MYO1E: variants seen among roughly 807,000 people sequenced by gnomAD.
The protein encoded by MYO1E is unconventional myosin-Ie.
A neutral mutation model predicts 151.1 loss-of-function variants in MYO1E; 68 were observed. That is an observed-to-expected ratio of 0.45 (90% confidence interval 0.37 to 0.55). MYO1E has a LOEUF of 0.55. Among genes scored for constraint, MYO1E ranks in the 20% least tolerant of loss-of-function variants. The probability of loss-of-function intolerance (pLI) is 0.00; values close to 1 mark genes in which losing one functional copy is unlikely to be tolerated. For synonymous variants in MYO1E, 601 were observed against 501.7 expected (o/e 1.20, Z -2.64); for missense variants, 1,363 against 1,389.3 (o/e 0.98, Z 0.30).
rs576436904 is a variant in MYO1E at position 59,323,035 on chromosome 15, G to C, written c.3+49463C>G. On this transcript the variant is annotated intron_variant, in intron 1 of 27. Transcript: ENST00000288235. Reference sequence around the variant, plus strand: ...AAAAAAAAAAATAGCCTGGTATGGTGGTGGGCACCTGTAGTCCCAGCTACT... The same window carrying C: ...AAAAAAAAAAATAGCCTGGTATGGTCGTGGGCACCTGTAGTCCCAGCTACT... Among the ~76,000 whole-genome samples the C allele has an allele frequency of 3.3e-5, 5 of 151,428 alleles. No individual in the cohort carries two copies. The East Asian group carries it at 9.7e-4, about 29-fold the overall frequency.
At chr15:59,147,395 T>C (rs1411245146) in intron 26 of MYO1E, among the ~76,000 whole-genome samples, 1 of 151,022 alleles carries the variant, frequency 6.6e-6, no homozygotes, top group Admixed American at 6.6e-5. Context: ...AGGCCAGGAG[T>C]TCGAGACCAG....
chr15:59,282,548 C>T (rs1246321345), intron 1 of MYO1E, among the ~76,000 whole-genome samples: 1 of 151,906 alleles, frequency 6.6e-6, no homozygotes, highest in African/African-American at 2.4e-5. Flanking sequence ...TGATCCTCAC[C>T]AAAAGTCCCT....
At chr15:59,152,852 G>A (rs972856250) in intron 26 of MYO1E, among the ~76,000 whole-genome samples, 2 of 152,226 alleles carry the variant, frequency 1.3e-5, no homozygotes, top group Admixed American at 6.5e-5. Flanking sequence ...ATGCTCCCAG[G>A]AACAAAATGC....
At chr15:59,362,405 C>G (rs16941369) in intron 1 of MYO1E, among the ~76,000 whole-genome samples, 1 of 152,098 alleles carries the variant, frequency 6.6e-6, no homozygotes, top group East Asian at 1.9e-4. Flanking sequence ...TCGTGATCTG[C>G]GGAATGTTTA....
intron 4 of MYO1E, among the ~76,000 whole-genome samples, chr15:59,248,613 T>C (rs1399279708): frequency 6.6e-6 from 1 of 151,994 alleles, no homozygotes; most frequent in Non-Finnish European, 1.5e-5. Context: ...TATTCCTTAC[T>C]AGAAGTTGGC....
chr15:59,366,271 G>A (rs2080912496), intron 1 of MYO1E, among the ~76,000 whole-genome samples: 1 of 150,906 alleles, frequency 6.6e-6, no homozygotes, highest in South Asian at 2.1e-4. Context: ...GAACCACAGG[G>A]CCCAGCCCTG....
rs573627859 is a variant in MYO1E, at chr15:59,337,585, C to A, written c.3+34913G>T. ...GTGGCTCACGCCTGTAATCCCAGCACTTTGGGCAGCCAAGGCAGACAAATC... is the reference window on the plus strand; with the variant it reads ...GTGGCTCACGCCTGTAATCCCAGCAATTTGGGCAGCCAAGGCAGACAAATC... On this transcript the variant is annotated intron_variant, in intron 1 of 27. Coordinates refer to ENST00000288235, the MANE Select transcript of MYO1E (RefSeq NM_004998.4). Among the ~76,000 whole-genome samples, 7 of 152,318 alleles carry A rather than the reference C, an allele frequency of 4.6e-5. No individual in the cohort carries two copies. In the South Asian group the frequency reaches 1.0e-3, roughly 23 times the overall value.
intron 1 of MYO1E, among the ~76,000 whole-genome samples, chr15:59,368,458 A>G: frequency 6.6e-6 from 1 of 150,494 alleles, no homozygotes; most frequent in Admixed American, 6.6e-5. Context: ...AAAAATACAA[A>G]ATATTAGCTG....
In MYO1E at chr15:59,178,370, T is replaced by TGGAGA. The variant is rs768771564; in HGVS notation, c.2049+18_2049+22dup. 62 of 1,612,004 alleles carry TGGAGA rather than the reference T, an allele frequency of 3.8e-5. No individual in the cohort carries two copies. In the African/African-American group the frequency reaches 7.8e-4, roughly 20 times the overall value. ...GGGGGCCCCGCGGGAGGGAAGAGAG[T>TGGAGA]GGAGAGCCAGCCAAGCACTCACAGA... On this transcript the variant is annotated intron_variant, in intron 19 of 27. Transcript: ENST00000288235.
At chr15:59,223,340 A>G in intron 8 of MYO1E, 149 bp from the exon 9 acceptor site, 1 of 1,031,914 alleles carries the variant, frequency 9.7e-7, no homozygotes, top group Non-Finnish European at 1.4e-6. Context: ...AAGCCAAAAC[A>G]TAAGATTGGG....
At chr15:59,232,346 T>G (rs753256037) in intron 5 of MYO1E, among the ~76,000 whole-genome samples, 2 of 152,206 alleles carry the variant, frequency 1.3e-5, no homozygotes, top group Non-Finnish European at 2.9e-5. Flanking sequence ...GATGTGGACT[T>G]AGTAGGTTGG....
At chr15:59,341,471 T>A (rs1596430784) in intron 1 of MYO1E, 1 of 152,182 alleles carries the variant, frequency 6.6e-6, no homozygotes, top group Admixed American at 6.5e-5. Flanking sequence ...TTTGTACCCA[T>A]TAACCATAAC....
chr15:59,140,762 G>A (rs2079404121), intron 26 of MYO1E, among the ~76,000 whole-genome samples: 2 of 152,202 alleles, frequency 1.3e-5, no homozygotes, highest in South Asian at 4.1e-4. Flanking sequence ...AACACTGACT[G>A]CCAGCAGGGT....
chr15:59,145,258 C>A (rs563520596), intron 26 of MYO1E, among the ~76,000 whole-genome samples: 1 of 152,210 alleles, frequency 6.6e-6, no homozygotes, highest in Non-Finnish European at 1.5e-5. Context: ...GGATTACACA[C>A]CCCCTTACAG....
intron 26 of MYO1E, 41 bp from the exon 27 acceptor site, chr15:59,138,408 G>A (rs376549716): frequency 3.7e-6 from 6 of 1,609,624 alleles, no homozygotes; most frequent in Middle Eastern, 1.9e-4. Flanking sequence ...GCCCCAACAG[G>A]GGGCAGCAGC....
chr15:59,188,143 G>A lies in MYO1E; in HGVS notation c.1879C>T (p.Arg627Cys), dbSNP rs747994476. Reference sequence around the variant, plus strand: ...CTCTGTAGGAATTTTTGGAAGATGCGCCGATAGGCATAGCCAGCTCTTCTC... The same window carrying A: ...CTCTGTAGGAATTTTTGGAAGATGCACCGATAGGCATAGCCAGCTCTTCTC... ...RVRRAGYAYR[R>C]IFQKFLQRYA... The change falls in exon 18 of 28, where the codon CGC (arginine) becomes TGC (cysteine). Residue 627 changes from arginine (R) to cysteine (C), a missense_variant. By Grantham distance (180) the Arg-to-Cys change is radical (BLOSUM62 -3). Transcript: ENST00000288235. The A allele has an allele frequency of 8.7e-6, 14 of 1,613,832 alleles. No individual in the cohort carries two copies. The highest frequency in any genetic ancestry group is 6.7e-5 in the Admixed American group (4 of 60,014).
Position 59,276,351 on chromosome 15 carries a change from T to C in MYO1E, c.4-3902A>G, listed in dbSNP as rs1338485293. Among the ~76,000 whole-genome samples the C allele has an allele frequency of 2.6e-5, 4 of 152,122 alleles. No individual in the cohort carries two copies. The East Asian group carries it at 5.8e-4, about 22-fold the overall frequency. ...TAAAAATGGTACCATTTTAAACAGG[T>C]GGATACTCAGCAAGGTATTGCATTT... On this transcript the variant is annotated intron_variant, in intron 1 of 27. Transcript: ENST00000288235.
At chr15:59,267,985 C>T (rs559795102) in intron 2 of MYO1E, among the ~76,000 whole-genome samples, 8 of 152,106 alleles carry the variant, frequency 5.3e-5, no homozygotes, top group African/African-American at 1.7e-4. Context: ...AACAATCGAT[C>T]GCCCCAAATG....
intron 1 of MYO1E, among the ~76,000 whole-genome samples, chr15:59,279,422 G>C (rs1194498237): frequency 6.6e-6 from 1 of 152,002 alleles, no homozygotes; most frequent in Admixed American, 6.6e-5. Context: ...ACATAAACTG[G>C]GACTGTCTCA....
Sources: gnomAD v4.1 joint callset for allele counts (sites outside exome capture counted in the v4.1 genomes callset) on GRCh38, gnomAD v4.1.1 for gene constraint, MANE v1.5 for transcripts, NCBI Gene and HGNC (gene_info 2026-07-23, HGNC 2026-07-21) for gene names.